The following ROBO2 variants were observed in gnomAD, a reference collection of about 807,000 sequenced individuals.
The protein encoded by ROBO2 is roundabout guidance receptor 2.
Under a neutral mutation model 160.8 loss-of-function variants are expected in ROBO2, and 53 were observed. That is an observed-to-expected ratio of 0.33 (90% confidence interval 0.26 to 0.41). ROBO2 has a LOEUF of 0.41. ROBO2 is among the 10% of genes least tolerant of loss of function. The pLI, the probability that ROBO2 is intolerant of heterozygous loss-of-function variation, is 1.00. For missense variants in ROBO2, 1,577 were observed against 1,722.4 expected, an observed-to-expected ratio of 0.92 and a Z score of 1.49; for synonymous variants, 664 against 611.7, an observed-to-expected ratio of 1.09 and a Z score of -1.26.
At chr3:76,245,939 A>G (rs1378252137) in intron 2 of ROBO2, among the ~76,000 whole-genome samples, 4 of 152,170 alleles carry the variant, frequency 2.6e-5, no homozygotes, top group African/African-American at 7.2e-5. Context: ...GAGAATTAGA[A>G]TGACCCAAGA....
At chr3:76,318,364 T>A (rs2107847579) in intron 2 of ROBO2, among the ~76,000 whole-genome samples, 1 of 152,168 alleles carries the variant, frequency 6.6e-6, no homozygotes, top group African/African-American at 2.4e-5. Flanking sequence ...AAAAACATAT[T>A]AATGCATTAC....
chr3:75,974,989 A>T (rs2107393325), intron 2 of ROBO2, among the ~76,000 whole-genome samples: 1 of 151,722 alleles, frequency 6.6e-6, no homozygotes, highest in East Asian at 2.0e-4. Flanking sequence ...TCCTCAAAAT[A>T]TAAATAATAA....
At chr3:75,976,930 C>T (rs1576356133) in intron 2 of ROBO2, among the ~76,000 whole-genome samples, 1 of 151,612 alleles carries the variant, frequency 6.6e-6, no homozygotes, top group Non-Finnish European at 1.5e-5. Flanking sequence ...TTATTTTTAG[C>T]TGGTTGCCTT....
chr3:77,167,876 G>A (rs923759081), intron 2 of ROBO2, among the ~76,000 whole-genome samples: 7 of 152,032 alleles, frequency 4.6e-5, no homozygotes, highest in Non-Finnish European at 1.0e-4. Flanking sequence ...CCAAAAAAGG[G>A]GACATGATGT....
At chr3:76,315,485 C>A (rs969097537) in intron 2 of ROBO2, among the ~76,000 whole-genome samples, 3 of 152,088 alleles carry the variant, frequency 2.0e-5, no homozygotes, top group Non-Finnish European at 4.4e-5. Context: ...TGCATTGAAG[C>A]GCTGACCTAG....
intron 2 of ROBO2, among the ~76,000 whole-genome samples, chr3:75,985,047 CA>C (rs1173798090): frequency 6.6e-6 from 1 of 151,370 alleles, no homozygotes; most frequent in Non-Finnish European, 1.5e-5. Context: ...ACACATATGT[CA>C]TTTTTATTTA....
intron 2 of ROBO2, among the ~76,000 whole-genome samples, chr3:77,295,164 T>G (rs1407592024): frequency 6.9e-6 from 1 of 145,470 alleles, no homozygotes; most frequent in Non-Finnish European, 1.5e-5. Context: ...GTTAAACGGG[T>G]AAGCTGAGGC....
chr3:76,677,026 G>A (rs2092428635), intron 2 of ROBO2, among the ~76,000 whole-genome samples: 1 of 152,092 alleles, frequency 6.6e-6, no homozygotes, highest in Non-Finnish European at 1.5e-5. Context: ...ACATTATAAT[G>A]TTGAAAAGAA....
At chr3:77,079,824 C>T (rs1016910685) in intron 1 of ROBO2, among the ~76,000 whole-genome samples, 3 of 152,094 alleles carry the variant, frequency 2.0e-5, no homozygotes, top group African/African-American at 7.2e-5. Context: ...TTGTTTATAT[C>T]ACGTAGGCTC....
chr3:76,356,619 A>G (rs1052791357), intron 2 of ROBO2, among the ~76,000 whole-genome samples: 1 of 151,766 alleles, frequency 6.6e-6, no homozygotes, highest in Non-Finnish European at 1.5e-5. Context: ...TTTTTACCTG[A>G]TAACAGAACT....
chr3:76,005,476 C>T (rs1224761229), intron 2 of ROBO2, among the ~76,000 whole-genome samples: 1 of 152,164 alleles, frequency 6.6e-6, no homozygotes, highest in East Asian at 1.9e-4. Context: ...AAGGTATGGG[C>T]AGCCATTTAT....
At chr3:77,455,443 C>T (rs957489580) in intron 2 of ROBO2, among the ~76,000 whole-genome samples, 2 of 152,036 alleles carry the variant, frequency 1.3e-5, no homozygotes, top group African/African-American at 4.8e-5. Flanking sequence ...AATCGTTATA[C>T]TCTTTTTCTT....
chr3:76,696,647 G>A (rs2092934139), intron 2 of ROBO2, among the ~76,000 whole-genome samples: 2 of 152,112 alleles, frequency 1.3e-5, no homozygotes, highest in Non-Finnish European at 2.9e-5. Context: ...ACTATGATAC[G>A]AAGTGACAGA....
intron 2 of ROBO2, among the ~76,000 whole-genome samples, chr3:76,821,898 C>T (rs1406054267): frequency 1.3e-5 from 2 of 151,944 alleles, no homozygotes; most frequent in East Asian, 3.9e-4. Context: ...TAGAGTCAGC[C>T]TCTTCAACAG....
chr3:77,039,501 G>A (rs1222281163), upstream of ROBO2, among the ~76,000 whole-genome samples: 1 of 152,206 alleles, frequency 6.6e-6, no homozygotes, highest in African/African-American at 2.4e-5. Context: ...ACGCGGCGAG[G>A]AGCAGGAGCC....
chr3:76,678,886 G>A (rs548562016), intron 2 of ROBO2, among the ~76,000 whole-genome samples: 3 of 152,246 alleles, frequency 2.0e-5, no homozygotes, highest in East Asian at 3.9e-4. Context: ...TTATTCATGA[G>A]AGCCCTTAAA....
chr3:76,390,466 T>C (rs1046399034), intron 2 of ROBO2, among the ~76,000 whole-genome samples: 6 of 152,178 alleles, frequency 3.9e-5, no homozygotes, highest in Non-Finnish European at 7.4e-5. Context: ...AAGAGATTCT[T>C]TTTAGATGAT....
At chr3:77,200,718 T>A (rs1039247717) in intron 2 of ROBO2, among the ~76,000 whole-genome samples, 14 of 152,094 alleles carry the variant, frequency 9.2e-5, no homozygotes, top group Non-Finnish European at 2.1e-4. Context: ...ACAATGAGAA[T>A]GTTCTTAAAA....
intron 2 of ROBO2, among the ~76,000 whole-genome samples, chr3:76,847,042 A>G (rs1032968554): frequency 6.6e-6 from 1 of 152,138 alleles, no homozygotes; most frequent in East Asian, 1.9e-4. Flanking sequence ...CCACTGGTCT[A>G]CTTTGTTAAA....
Sources: allele counts gnomAD v4.1 joint callset (sites outside exome capture counted in the v4.1 genomes callset), GRCh38; gene constraint gnomAD v4.1.1; transcripts MANE v1.5; gene names NCBI Gene and HGNC (gene_info 2026-07-23, HGNC 2026-07-21).